C1QTNF7: variants seen among roughly 807,000 people sequenced by gnomAD.
C1QTNF7 encodes the protein complement C1q tumor necrosis factor-related protein 7.
Under a neutral mutation model 19.6 loss-of-function variants are expected in C1QTNF7, and 15 were observed. The ratio of observed to expected loss-of-function variants is 0.76; its 90% confidence interval spans 0.51 to 1.18. C1QTNF7 has a LOEUF of 1.18. Ranked by LOEUF, C1QTNF7 falls within the 50% of genes most tolerant of loss-of-function variation. The pLI is 0.00. For missense variants in C1QTNF7, 324 were observed against 359.7 expected, an observed-to-expected ratio of 0.90 and a Z score of 0.80; for synonymous variants, 142 against 137.5, an observed-to-expected ratio of 1.03 and a Z score of -0.23.
At chr4:15,413,871 T>G (rs540654051) in intron 1 of C1QTNF7, among the ~76,000 whole-genome samples, 2 of 152,330 alleles carry the variant, frequency 1.3e-5, no homozygotes, top group African/African-American at 4.8e-5. Flanking sequence ...CAGTTTTTAG[T>G]TCCAATCCTC....
chr4:15,437,474 A>G (rs2108939821), intron 2 of C1QTNF7, among the ~76,000 whole-genome samples: 1 of 152,336 alleles, frequency 6.6e-6, no homozygotes, highest in South Asian at 2.1e-4. Context: ...AGTCACAGCT[A>G]AATTTGTGAC....
chr4:15,397,997 A>T (rs1013703843), intron 1 of C1QTNF7, among the ~76,000 whole-genome samples: 2 of 152,116 alleles, frequency 1.3e-5, no homozygotes, highest in Non-Finnish European at 2.9e-5. Context: ...TCCTTCCTAA[A>T]CCAGACCCAC....
At chr4:15,440,775 T>C (rs780376768) in intron 2 of C1QTNF7, among the ~76,000 whole-genome samples, 1 of 152,106 alleles carries the variant, frequency 6.6e-6, no homozygotes, top group Non-Finnish European at 1.5e-5. Context: ...TGCATGGTGG[T>C]GGCAGTCATT....
intron 1 of C1QTNF7, among the ~76,000 whole-genome samples, chr4:15,375,105 A>G (rs1475300631): frequency 6.6e-6 from 1 of 151,952 alleles, no homozygotes; most frequent in East Asian, 1.9e-4. Flanking sequence ...GGGGGCAAGC[A>G]GAAGTGTCTC....
At chr4:15,388,164 C>T in intron 1 of C1QTNF7, among the ~76,000 whole-genome samples, 1 of 151,964 alleles carries the variant, frequency 6.6e-6, no homozygotes, top group East Asian at 1.9e-4. Context: ...TTGAAAGTAA[C>T]CAGGAGAGAA....
At chr4:15,378,725 C>T (rs753764695) in intron 1 of C1QTNF7, among the ~76,000 whole-genome samples, 13 of 152,126 alleles carry the variant, frequency 8.5e-5, no homozygotes, top group African/African-American at 1.2e-4. Context: ...GTGGAGTCAA[C>T]GTCCAAAGCT....
chr4:15,387,299 G>A (rs1015751668), intron 1 of C1QTNF7, among the ~76,000 whole-genome samples: 1 of 152,186 alleles, frequency 6.6e-6, no homozygotes, highest in Middle Eastern at 3.2e-3. Flanking sequence ...AGACATGCAT[G>A]TGGAGGTGTC....
chr4:15,438,558 A>G (rs2108940620), intron 2 of C1QTNF7, among the ~76,000 whole-genome samples: 1 of 152,316 alleles, frequency 6.6e-6, no homozygotes, highest in South Asian at 2.1e-4. Context: ...TTATTACACA[A>G]AGTTATAAAT....
At chr4:15,379,490 G>A (rs969180348) in intron 1 of C1QTNF7, among the ~76,000 whole-genome samples, 1 of 152,158 alleles carries the variant, frequency 6.6e-6, no homozygotes, top group Non-Finnish European at 1.5e-5. Flanking sequence ...TACAGATAAG[G>A]AAATGAAGCT....
At position 15,341,271 on chromosome 4, in the gene C1QTNF7, G is replaced by A. The variant is rs557733346; in HGVS notation, c.13+1064G>A. Among the ~76,000 whole-genome samples, 51 of 152,296 alleles carry A rather than the reference G, an allele frequency of 3.3e-4. No individual in the cohort carries two copies. The South Asian group carries it at 5.6e-3, about 17-fold the overall frequency. On this transcript the variant is annotated intron_variant, in intron 1 of 2. Transcript: ENST00000295297. Reference sequence around the variant, plus strand: ...ACTGGTACAGAAACATTAGCAAGGCGAATTTCTCAGCCATTAGGCCTGGGT... The same window carrying A: ...ACTGGTACAGAAACATTAGCAAGGCAAATTTCTCAGCCATTAGGCCTGGGT...
At position 15,435,999 on chromosome 4, in the gene C1QTNF7, G is replaced by A; in HGVS notation, c.238+18G>A. The A allele has an allele frequency of 6.2e-7, 1 of 1,605,552 alleles. No homozygotes were observed. The highest frequency in any genetic ancestry group is 1.1e-5 in the South Asian group (1 of 89,964). On this transcript the variant is annotated intron_variant, in intron 2 of 2. Transcript: ENST00000444304. ...AACTGCAGGTAATGAATGAGAAGTT[G>A]CATAAAACACCCTCCTTCACCCCCA...
At position 15,384,483 on chromosome 4, in the gene C1QTNF7, G is replaced by A. The variant is rs563405492; in HGVS notation, c.13+44276G>A. Among the ~76,000 whole-genome samples the A allele has an allele frequency of 9.2e-5, 14 of 152,134 alleles. No individual in the cohort carries two copies. The South Asian group carries it at 2.7e-3, about 29-fold the overall frequency. On this transcript the variant is annotated intron_variant, in intron 1 of 2. Coordinates refer to the C1QTNF7 transcript ENST00000295297. The stretch of plus-strand genomic sequence containing the variant: ...CAGCTTTGAAAATAACTTGGCCCAG[G>A]TATATACTATTTGAGAAGACCTCTG...
At position 15,404,876 on chromosome 4, in the gene C1QTNF7, G is replaced by A. The variant is rs571498823; in HGVS notation, c.14-30860G>A. On this transcript the variant is annotated intron_variant, in intron 1 of 2. Transcript: ENST00000295297. ...ACATCCCCAAAGCATCTGTGATCACGAGCCCTTATTCCAAAACAAACAATT... is the reference window on the plus strand; with the variant it reads ...ACATCCCCAAAGCATCTGTGATCACAAGCCCTTATTCCAAAACAAACAATT... 8.5e-5 allele frequency among the ~76,000 whole-genome samples: 13 copies of A among 152,230 alleles called. No homozygotes were observed. In the East Asian group the frequency reaches 1.5e-3, roughly 18 times the overall value.
rs201913423 is a variant in C1QTNF7 at position 15,374,853 on chromosome 4, T to TTC, written c.13+34664_13+34665dup. 8.7e-4 allele frequency: 505 copies of TTC among 580,152 alleles called. 1 individual carries two copies. Among genetic ancestry groups the TTC allele is most frequent in the African/African-American group, 3.7e-3 (171 of 46,560 alleles). 35.9% of individuals were successfully genotyped at this position (580,152 alleles called of 1,614,324 possible). Reference sequence around the variant, plus strand: ...GGCGTCTTTTGGCTCATGTTGGTGTTTCTCTCTCTCTCTCTCTCTTTTTTT... The same window carrying TTC: ...GGCGTCTTTTGGCTCATGTTGGTGTTTCTCTCTCTCTCTCTCTCTCTTTTTTT... On this transcript the variant is annotated intron_variant, in intron 1 of 2. Coordinates refer to the C1QTNF7 transcript ENST00000295297.
At chr4:15,416,208 T>A (rs956419991) in intron 1 of C1QTNF7, among the ~76,000 whole-genome samples, 1 of 152,252 alleles carries the variant, frequency 6.6e-6, no homozygotes, top group African/African-American at 2.4e-5. Flanking sequence ...ATTTTTTGCA[T>A]CTTTACCAAA....
intron 1 of C1QTNF7, among the ~76,000 whole-genome samples, chr4:15,353,495 C>T (rs920341370): frequency 5.3e-5 from 8 of 152,110 alleles, no homozygotes; most frequent in African/African-American, 1.4e-4. Context: ...ATACAAATAC[C>T]TCAAATAGAG....
At chr4:15,426,301 C>T (rs999108138), upstream of C1QTNF7, among the ~76,000 whole-genome samples, 3 of 152,134 alleles carry the variant, frequency 2.0e-5, no homozygotes, top group Non-Finnish European at 4.4e-5. Context: ...ATCACTTCAC[C>T]ACTGCTTCTA....
intron 1 of C1QTNF7, among the ~76,000 whole-genome samples, chr4:15,380,483 C>G (rs1417111184): frequency 6.6e-6 from 1 of 152,210 alleles, no homozygotes; most frequent in Admixed American, 6.5e-5. Flanking sequence ...AAAGCCTTTT[C>G]CTTGTCAAAC....
chr4:15,365,614 G>A (rs914058049), intron 1 of C1QTNF7, among the ~76,000 whole-genome samples: 4 of 152,182 alleles, frequency 2.6e-5, no homozygotes, highest in Non-Finnish European at 4.4e-5. Flanking sequence ...ATGAGCTCAT[G>A]AAACTGGGCA....
Sources: allele counts gnomAD v4.1 joint callset (sites outside exome capture counted in the v4.1 genomes callset), GRCh38; gene constraint gnomAD v4.1.1; transcripts MANE v1.5; gene names NCBI Gene and HGNC (gene_info 2026-07-23, HGNC 2026-07-21).